The following PTPRD variants were observed in gnomAD, a reference collection of about 807,000 sequenced individuals.
The protein encoded by PTPRD is protein tyrosine phosphatase receptor type D.
PTPRD carries 34 observed loss-of-function variants against 214.5 expected under a neutral mutation model. The ratio of observed to expected loss-of-function variants is 0.16; its 90% confidence interval spans 0.12 to 0.21. The LOEUF (loss-of-function observed/expected upper bound fraction) is 0.21. Among genes scored for constraint, PTPRD ranks in the 10% least tolerant of loss-of-function variants. The probability of loss-of-function intolerance (pLI) is 1.00; values close to 1 mark genes in which losing one functional copy is unlikely to be tolerated. For missense variants in PTPRD, 2,545 were observed against 2,398.7 expected, an observed-to-expected ratio of 1.06 and a Z score of -1.27; for synonymous variants, 1,128 against 845.7, an observed-to-expected ratio of 1.33 and a Z score of -5.79.
chr9:9,992,629 G>T (rs1405712741), intron 4 of PTPRD, among the ~76,000 whole-genome samples: 1 of 152,190 alleles, frequency 6.6e-6, no homozygotes, highest in Admixed American at 6.5e-5. Flanking sequence ...CATAAAAAAG[G>T]ATGAGTTCAT....
intron 2 of PTPRD, among the ~76,000 whole-genome samples, chr9:10,547,172 G>T (rs539016085): frequency 1.8e-4 from 28 of 152,270 alleles, no homozygotes; most frequent in African/African-American, 5.8e-4. Context: ...GGGGATGACA[G>T]AGAGCAACAC....
chr9:10,265,195 G>A (rs2093972560), intron 3 of PTPRD, among the ~76,000 whole-genome samples: 1 of 152,102 alleles, frequency 6.6e-6, no homozygotes, highest in Admixed American at 6.5e-5. Flanking sequence ...ACAATCAGAG[G>A]CTTGAAAACT....
chr9:10,086,148 A>T (rs762049604), intron 3 of PTPRD, among the ~76,000 whole-genome samples: 5 of 151,842 alleles, frequency 3.3e-5, no homozygotes, highest in Non-Finnish European at 5.9e-5. Context: ...ATGAGGGCTA[A>T]AAATGGGTGT....
intron 11 of PTPRD, among the ~76,000 whole-genome samples, chr9:8,810,713 C>A (rs1014586898): frequency 6.6e-6 from 1 of 152,152 alleles, no homozygotes; most frequent in Non-Finnish European, 1.5e-5. Flanking sequence ...TTTGGTTACC[C>A]TGAAAGTGGA....
At chr9:9,405,456 C>G (rs1228258348) in intron 8 of PTPRD, among the ~76,000 whole-genome samples, 1 of 151,932 alleles carries the variant, frequency 6.6e-6, no homozygotes, top group Non-Finnish European at 1.5e-5. Flanking sequence ...TCCCTTTAAT[C>G]CTAAATTAAA....
At chr9:8,933,340 G>GTTTTGTTTTTTTTTTTT (rs2098966631) in intron 11 of PTPRD, among the ~76,000 whole-genome samples, 2 of 80,440 alleles carry the variant, frequency 2.5e-5, no homozygotes, top group African/African-American at 5.1e-5. Context: ...CAACCTTGAG[G>GTTTTGTTTTTTTTTTTT]TTTTTTTTTT....
rs374045553 is a variant in PTPRD, at chr9:8,933,822, A to G, written c.-104+84875T>C. Among the ~76,000 whole-genome samples, 60 of 152,272 alleles carry G rather than the reference A, an allele frequency of 3.9e-4. 1 individual carries two copies. In the South Asian group the frequency reaches 0.01, roughly 26 times the overall value. On this transcript the variant is annotated intron_variant, in intron 11 of 45. Transcript: ENST00000381196. ...CTTTAATAATAAAAATCATGATGCA[A>G]GATTATATCTTAATCTTTTCTACTA...
intron 31 of PTPRD, among the ~76,000 whole-genome samples, chr9:8,468,647 T>TAGAA (rs2096591856): frequency 1.3e-5 from 2 of 151,926 alleles, no homozygotes; most frequent in South Asian, 4.1e-4. Flanking sequence ...GCCACCATTC[T>TAGAA]ATTCAATGAT....
chr9:10,421,135 G>T (rs1413462231), intron 2 of PTPRD, among the ~76,000 whole-genome samples: 1 of 151,866 alleles, frequency 6.6e-6, no homozygotes, highest in Non-Finnish European at 1.5e-5. Flanking sequence ...GTGTTGGGCT[G>T]CATTCAAAGC....
intron 39 of PTPRD, among the ~76,000 whole-genome samples, chr9:8,360,743 C>T (rs1253376710): frequency 1.3e-5 from 2 of 152,126 alleles, no homozygotes; most frequent in African/African-American, 4.8e-5. Flanking sequence ...GCCAAATTAT[C>T]CAGGCTATGA....
chr9:8,505,403 ATG>A (rs1257350378), intron 22 of PTPRD, among the ~76,000 whole-genome samples: 2 of 152,102 alleles, frequency 1.3e-5, no homozygotes, highest in Admixed American at 1.3e-4. Flanking sequence ...CGGGCGGAAC[ATG>A]AGGTCAGGAG....
chr9:9,587,902 C>T (rs1250813763), intron 7 of PTPRD, among the ~76,000 whole-genome samples: 1 of 151,860 alleles, frequency 6.6e-6, no homozygotes, highest in African/African-American at 2.4e-5. Flanking sequence ...GGTATAAACA[C>T]ATAGTTAGAA....
intron 12 of PTPRD, among the ~76,000 whole-genome samples, chr9:8,656,026 T>C (rs980874129): frequency 6.6e-6 from 1 of 152,224 alleles, no homozygotes; most frequent in Non-Finnish European, 1.5e-5. Flanking sequence ...TTACCCGAGA[T>C]AGCATCAACT....
intron 3 of PTPRD, among the ~76,000 whole-genome samples, chr9:10,214,014 C>G (rs1308252299): frequency 2.6e-5 from 4 of 152,056 alleles, no homozygotes; most frequent in African/African-American, 9.7e-5. Flanking sequence ...TATCTATCAA[C>G]AGCTGTAAAG....
chr9:10,220,746 ATATC>A (rs1473261831), intron 3 of PTPRD, among the ~76,000 whole-genome samples: 2 of 151,800 alleles, frequency 1.3e-5, no homozygotes, highest in Non-Finnish European at 2.9e-5. Context: ...ATCATTCATA[ATATC>A]TATTATATGT....
chr9:10,541,387 C>T (rs1026951825), intron 2 of PTPRD, among the ~76,000 whole-genome samples: 8 of 152,012 alleles, frequency 5.3e-5, no homozygotes, highest in African/African-American at 1.7e-4. Context: ...GTCACCAGGA[C>T]CTTTATGTAC....
At chr9:8,700,452 A>G (rs2098050372) in intron 12 of PTPRD, 1 of 152,236 alleles carries the variant, frequency 6.6e-6, no homozygotes, top group African/African-American at 2.4e-5. Flanking sequence ...GTGTTATTCA[A>G]TTACGTGGTT....
chr9:10,377,035 C>T (rs1056490020), intron 2 of PTPRD, among the ~76,000 whole-genome samples: 8 of 151,848 alleles, frequency 5.3e-5, no homozygotes, highest in African/African-American at 1.9e-4. Flanking sequence ...TTAACCATCC[C>T]CCCCTTCCAC....
At chr9:9,253,983 C>T (rs146561823) in intron 9 of PTPRD, among the ~76,000 whole-genome samples, 8 of 152,220 alleles carry the variant, frequency 5.3e-5, no homozygotes, top group Admixed American at 1.3e-4. Flanking sequence ...GTGTCTGCTT[C>T]GGTCTTCACA....
Sources: gnomAD v4.1 joint callset for allele counts (sites outside exome capture counted in the v4.1 genomes callset) on GRCh38, gnomAD v4.1.1 for gene constraint, MANE v1.5 for transcripts, NCBI Gene and HGNC (gene_info 2026-07-23, HGNC 2026-07-21) for gene names.